Variants in CDH12 observed in about 807,000 individuals in gnomAD.
CDH12 encodes the protein cadherin-12.
A neutral mutation model predicts 74.1 loss-of-function variants in CDH12; 41 were observed. The observed-to-expected ratio is 0.55, with a 90% CI of 0.43 to 0.72. The LOEUF is 0.72. Among genes scored for constraint, CDH12 ranks in the 30% least tolerant of loss-of-function variants. The pLI is 0.00. For synonymous variants in CDH12, 399 were observed against 355.0 expected (o/e 1.12, Z -1.39); for missense variants, 945 against 977.2 (o/e 0.97, Z 0.44).
rs372288250 is a variant in CDH12 at position 21,788,351 on chromosome 5, A to G, written c.1257-4857T>C. 5.3e-5 allele frequency among the ~76,000 whole-genome samples: 8 copies of G among 152,314 alleles called. No individual in the cohort carries two copies. The South Asian group carries it at 1.4e-3, about 28-fold the overall frequency. ...AGGGGAGGAATAGACGGTGTTTTAG[A>G]AAACTGCAACAGCAGTAGCAAAACG... On this transcript the variant is annotated intron_variant, in intron 10 of 14. Coordinates refer to ENST00000382254, the MANE Select transcript of CDH12 (RefSeq NM_004061.5).
At chr5:22,751,236 C>T (rs902844228) in intron 1 of CDH12, among the ~76,000 whole-genome samples, 6 of 150,618 alleles carry the variant, frequency 4.0e-5, no homozygotes, top group African/African-American at 9.7e-5. Flanking sequence ...TGGGACTTAT[C>T]GCATATCTGA....
At chr5:22,386,641 GA>G (rs1252341443) in intron 3 of CDH12, among the ~76,000 whole-genome samples, 5 of 151,654 alleles carry the variant, frequency 3.3e-5, no homozygotes, top group South Asian at 2.1e-4. Context: ...TATTATCAGG[GA>G]AAAAAATCAT....
intron 1 of CDH12, among the ~76,000 whole-genome samples, chr5:22,586,001 A>G (rs868184669): frequency 2.6e-5 from 4 of 152,304 alleles, no homozygotes; most frequent in Middle Eastern, 3.4e-3. Flanking sequence ...TATATACCCA[A>G]AGGAATATAT....
At chr5:22,249,952 T>C (rs556426211) in intron 3 of CDH12, among the ~76,000 whole-genome samples, 16 of 152,242 alleles carry the variant, frequency 1.1e-4, no homozygotes, top group Non-Finnish European at 1.8e-4. Context: ...AACAGGGATT[T>C]ATGAGAAGCC....
At chr5:22,495,479 C>G (rs1747068540) in intron 2 of CDH12, among the ~76,000 whole-genome samples, 1 of 152,048 alleles carries the variant, frequency 6.6e-6, no homozygotes, top group South Asian at 2.1e-4. Context: ...ATCCAAGGAC[C>G]TTATGTCTGT....
intron 1 of CDH12, among the ~76,000 whole-genome samples, chr5:22,716,095 C>A (rs1332801693): frequency 6.6e-6 from 1 of 152,070 alleles, no homozygotes; most frequent in Non-Finnish European, 1.5e-5. Flanking sequence ...GGAGATTGTG[C>A]CACTGCCCTC....
chr5:22,355,577 A>T (rs1406059651), intron 3 of CDH12, among the ~76,000 whole-genome samples: 1 of 151,494 alleles, frequency 6.6e-6, no homozygotes, highest in Non-Finnish European at 1.5e-5. Context: ...ATGAAAACAT[A>T]GCAATATCTT....
At chr5:21,861,070 G>A (rs1458659562) in intron 6 of CDH12, among the ~76,000 whole-genome samples, 4 of 151,954 alleles carry the variant, frequency 2.6e-5, no homozygotes. Flanking sequence ...AGTGTTGAGG[G>A]AAACCTCAGG....
intron 5 of CDH12, among the ~76,000 whole-genome samples, chr5:22,057,423 T>TTCCC (rs1365654575): frequency 6.6e-6 from 1 of 151,910 alleles, no homozygotes; most frequent in Non-Finnish European, 1.5e-5. Context: ...GCGAAGCAAA[T>TTCCC]TAAAGGATGC....
At chr5:22,057,270 C>G (rs1024460881) in intron 5 of CDH12, among the ~76,000 whole-genome samples, 1 of 152,132 alleles carries the variant, frequency 6.6e-6, no homozygotes, top group African/African-American at 2.4e-5. Context: ...GTCTAAAAGC[C>G]ATAGTTTGCC....
chr5:22,653,904 C>T (rs1357167991), intron 1 of CDH12, among the ~76,000 whole-genome samples: 2 of 152,198 alleles, frequency 1.3e-5, no homozygotes, highest in African/African-American at 2.4e-5. Flanking sequence ...ACCCTAGTGT[C>T]ATCATCTACT....
At chr5:22,202,215 G>T in intron 4 of CDH12, among the ~76,000 whole-genome samples, 2 of 99,212 alleles carry the variant, frequency 2.0e-5, no homozygotes, top group South Asian at 3.7e-4. Flanking sequence ...TCAACATATA[G>T]TTACTACCTC....
intron 2 of CDH12, among the ~76,000 whole-genome samples, chr5:22,484,439 T>G (rs148746642): frequency 6.2e-4 from 95 of 152,272 alleles, no homozygotes; most frequent in African/African-American, 2.2e-3. Flanking sequence ...TCTACTTCTT[T>G]AATCATGTTG....
intron 1 of CDH12, among the ~76,000 whole-genome samples, chr5:22,835,981 T>C (rs1736799285): frequency 6.6e-6 from 1 of 152,128 alleles, no homozygotes; most frequent in Admixed American, 6.6e-5. Context: ...CAATCTTCCT[T>C]TGTTCCCAGA....
intron 1 of CDH12, among the ~76,000 whole-genome samples, chr5:22,735,714 G>A (rs1744673383): frequency 6.6e-6 from 1 of 151,646 alleles, no homozygotes; most frequent in Non-Finnish European, 1.5e-5. Context: ...TAAAAAATAG[G>A]GTAAAGTTAA....
chr5:22,742,337 A>G (rs2127019740), intron 1 of CDH12, among the ~76,000 whole-genome samples: 1 of 152,306 alleles, frequency 6.6e-6, no homozygotes, highest in Admixed American at 6.5e-5. Context: ...GAGTCTGAGT[A>G]TGAGCTGCCC....
chr5:22,850,775 T>C (rs1231241209), intron 1 of CDH12, among the ~76,000 whole-genome samples: 1 of 152,140 alleles, frequency 6.6e-6, no homozygotes, highest in Non-Finnish European at 1.5e-5. Flanking sequence ...TAGGTCATTT[T>C]ATTACCCAAG....
At chr5:22,249,893 T>C (rs1753079597) in intron 3 of CDH12, among the ~76,000 whole-genome samples, 1 of 152,066 alleles carries the variant, frequency 6.6e-6, no homozygotes, top group African/African-American at 2.4e-5. Context: ...TAATCAAACA[T>C]GTGTAACATT....
intron 5 of CDH12, among the ~76,000 whole-genome samples, chr5:22,066,673 A>T (rs1741584887): frequency 6.6e-6 from 1 of 152,182 alleles, no homozygotes; most frequent in South Asian, 2.1e-4. Flanking sequence ...GTCCAAGGGG[A>T]TACCACTAGA....
Sources: allele counts gnomAD v4.1 joint callset (sites outside exome capture counted in the v4.1 genomes callset), GRCh38; gene constraint gnomAD v4.1.1; transcripts MANE v1.5; gene names NCBI Gene and HGNC (gene_info 2026-07-23, HGNC 2026-07-21).